Variants in AMZ1 observed in about 807,000 individuals in gnomAD.
AMZ1 encodes archaelysin family metallopeptidase 1, also known as archaemetzincin-1.
In AMZ1, 39 loss-of-function variants were observed where a neutral mutation model predicts 29.9. The ratio of observed to expected loss-of-function variants is 1.30; its 90% CI spans 1.01 to 1.70. AMZ1 has a LOEUF of 1.70. AMZ1 is among the 40% of genes most tolerant of loss of function. The pLI is 0.00. For synonymous variants in AMZ1, 458 were observed against 304.0 expected (o/e 1.51, Z -5.27); for missense variants, 1,041 against 680.6 (o/e 1.53, Z -5.89).
rs555064289 is a variant in AMZ1 at position 2,700,508 on chromosome 7, C to A, written c.57C>A (p.Asp19Glu). 1 of 1,606,296 alleles carries A rather than the reference C, an allele frequency of 6.2e-7. No individual in the cohort carries two copies. The highest frequency in any genetic ancestry group is 8.5e-7 in the Non-Finnish European group (1 of 1,179,908). Residue 19 changes from aspartate (D) to glutamate (E), a missense_variant, in exon 2 of 7, where the codon GAC (aspartate) becomes GAA (glutamate). Asp to Glu is a conservative substitution (Grantham distance 45, BLOSUM62 2). Coordinates refer to ENST00000683327, the MANE Select transcript of AMZ1 (RefSeq NM_001384743.1). ...GCTTCGGGCCCCGGGCCTTGAAGGA[C>A]GCTCTGGTCTCCACTGACGCAGCCC... The part of the protein sequence containing the change: ...EFSFGPRALK[D>E]ALVSTDAALQ...
intron 4 of AMZ1, among the ~76,000 whole-genome samples, chr7:2,727,304 T>G (rs1333622242): frequency 9.2e-5 from 14 of 152,114 alleles, no homozygotes; most frequent in Admixed American, 9.2e-4. Flanking sequence ...ATGGTCTCGA[T>G]CTCTTGACCT....
rs556209731 is a variant in AMZ1, at chr7:2,700,379, C to T, written c.-73C>T. 116 of 1,515,442 alleles carry T rather than the reference C, an allele frequency of 7.7e-5. No homozygotes were observed. Among genetic ancestry groups the T allele is most frequent in the African/African-American group, 3.0e-4 (22 of 72,278 alleles). The allele number at this position is 1,515,442 out of a possible 1,614,324, so 93.9% of individuals were successfully genotyped here. ...CCCGAGGGAAGATTCTGGACGAGAC[C>T]GTGGCCGTCCCCCGGGTGGCCCATG... On this transcript the variant is annotated 5_prime_UTR_variant, in exon 2 of 7. Transcript: ENST00000683327.
intron 4 of AMZ1, among the ~76,000 whole-genome samples, chr7:2,758,292 A>T (rs918035581): frequency 6.6e-6 from 1 of 152,220 alleles, no homozygotes; most frequent in Non-Finnish European, 1.5e-5. Flanking sequence ...TAAGAAAACA[A>T]GGCTCTGCAA....
At chr7:2,710,328 T>A (rs546685964) in intron 6 of AMZ1, among the ~76,000 whole-genome samples, 1 of 152,358 alleles carries the variant, frequency 6.6e-6, no homozygotes, top group South Asian at 2.1e-4. Flanking sequence ...CATGGACATT[T>A]GTTTGCAAGC....
intron 3 of AMZ1, among the ~76,000 whole-genome samples, chr7:2,706,339 T>A (rs2115139297): frequency 6.6e-6 from 1 of 152,286 alleles, no homozygotes. Context: ...GCTAATTATT[T>A]TGATTGTTGT....
chr7:2,710,665 ATC>A (rs1418861332), intron 6 of AMZ1, among the ~76,000 whole-genome samples: 1 of 152,186 alleles, frequency 6.6e-6, no homozygotes, highest in Non-Finnish European at 1.5e-5. Flanking sequence ...CAGTGCTGGA[ATC>A]TCTCTGCAGG....
At chr7:2,757,397 G>A (rs891628671) in intron 4 of AMZ1, among the ~76,000 whole-genome samples, 1 of 152,230 alleles carries the variant, frequency 6.6e-6, no homozygotes, top group East Asian at 1.9e-4. Context: ...GCACACAGCC[G>A]TGTTATGAGG....
chr7:2,699,143 G>A (rs373020965), intron 1 of AMZ1, among the ~76,000 whole-genome samples: 4 of 152,016 alleles, frequency 2.6e-5, no homozygotes, highest in Non-Finnish European at 5.9e-5. Flanking sequence ...TCTGTTCTGC[G>A]AGGCTTCCCC....
chr7:2,737,449 C>A (rs186358043), intron 4 of AMZ1, among the ~76,000 whole-genome samples: 1 of 151,894 alleles, frequency 6.6e-6, no homozygotes, highest in Admixed American at 6.6e-5. Flanking sequence ...CTACCACACC[C>A]GGCTAACTTT....
At position 2,709,159 on chromosome 7, in the gene AMZ1, C is replaced by G; in HGVS notation, c.686C>G (p.Ala229Gly). ...GCCCCTGATCTGGCCCTGGTAGAGGCAGCAGCAGACGGCCCCGAGGCCCCC... is the reference window on the plus strand; with the variant it reads ...GCCCCTGATCTGGCCCTGGTAGAGGGAGCAGCAGACGGCCCCGAGGCCCCC... ...PSAPDLALVE[A>G]AADGPEAPLQ... is the part of the protein sequence containing the mutation. The change falls in exon 5 of 7, where the codon GCA becomes GGA. Residue 229 changes from alanine (A) to glycine (G), a missense_variant. By Grantham distance (60) the Ala-to-Gly change is moderately conservative. Coordinates refer to ENST00000683327, the MANE Select transcript of AMZ1 (RefSeq NM_001384743.1). 1.3e-6 allele frequency: 2 copies of G among 1,570,206 alleles called. No homozygotes were observed. The highest frequency in any genetic ancestry group is 1.7e-6 in the Non-Finnish European group (2 of 1,159,366).
Position 2,731,126 on chromosome 7 carries a change from C to A in AMZ1, n.550+21310C>A, listed in dbSNP as rs1222500516. On this transcript the variant is annotated intron_variant and non_coding_transcript_variant, in intron 4 of 4. Coordinates refer to the AMZ1 transcript ENST00000489665. The surrounding 1 kb of genome is among the most constrained non-coding windows in gnomAD (Gnocchi z 6.0). ...ACACAGACAACACACACCCAAGAGT[C>A]TGACCGACAGCCGTGGGGGCTGCTC... is the stretch of plus-strand genomic sequence containing the variant. The A allele has an allele frequency of 9.0e-6, 11 of 1,222,452 alleles. No homozygotes were observed. In the Admixed American group the frequency reaches 1.7e-4, roughly 19 times the overall value. 75.7% of individuals were successfully genotyped at this position (1,222,452 alleles called of 1,614,324 possible).
chr7:2,740,317 G>A (rs1790434962), intron 4 of AMZ1, among the ~76,000 whole-genome samples: 1 of 152,130 alleles, frequency 6.6e-6, no homozygotes, highest in South Asian at 2.1e-4. Flanking sequence ...GACTTTGGGA[G>A]GTGACTGAAG....
In AMZ1 at chr7:2,736,324, T is replaced by G. The variant is rs866971506; in HGVS notation, n.550+26508T>G. ...CAAAGTGGGCTCTCGGGACTCTCCT[T>G]GGTGTGAAAAACCTACACCACTCAA... On this transcript the variant is annotated intron_variant and non_coding_transcript_variant, in intron 4 of 4. Coordinates refer to the AMZ1 transcript ENST00000489665. 2.0e-5 allele frequency among the ~76,000 whole-genome samples: 3 copies of G among 152,130 alleles called. 1 individual carries two copies. The South Asian group carries it at 6.2e-4, about 32-fold the overall frequency.
At position 2,709,528 on chromosome 7, in the gene AMZ1, G is replaced by A. The variant is rs148563408; in HGVS notation, c.772-112G>A. On this transcript the variant is annotated intron_variant, in intron 5 of 6. Transcript: ENST00000683327. ...GGGGAGGGCGCCTGGACCACCTCCCGGCCATCTGGCCTCACCCAGGTCCTC... is the reference window on the plus strand; with the variant it reads ...GGGGAGGGCGCCTGGACCACCTCCCAGCCATCTGGCCTCACCCAGGTCCTC... 8,705 of 1,461,776 alleles carry A rather than the reference G, an allele frequency of 6.0e-3. 48 individuals are homozygous for A. Among genetic ancestry groups the A allele is most frequent in the Middle Eastern group, 0.015 (61 of 3,976 alleles). The allele number at this position is 1,461,776 out of a possible 1,614,324, so 90.6% of individuals were successfully genotyped here.
chr7:2,698,129 G>A (rs117766461), intron 1 of AMZ1, among the ~76,000 whole-genome samples: 11 of 152,174 alleles, frequency 7.2e-5, no homozygotes, highest in Non-Finnish European at 1.6e-4. Context: ...GGCGTGGTAC[G>A]TATGCCCATG....
At chr7:2,688,365 G>C (rs958355041) in intron 1 of AMZ1, 69 bp downstream of exon 1, 14 of 151,836 alleles carry the variant, frequency 9.2e-5, no homozygotes, top group African/African-American at 3.4e-4. Flanking sequence ...GGGGCGGGTG[G>C]GTAGGGGCAG....
upstream of AMZ1, among the ~76,000 whole-genome samples, chr7:2,686,616 C>T (rs559011582): frequency 6.6e-6 from 1 of 152,080 alleles, no homozygotes; most frequent in African/African-American, 2.4e-5. Flanking sequence ...AGAGAGGTTA[C>T]CTCTACACAG....
intron 4 of AMZ1, 91 bp from the exon 5 acceptor site, chr7:2,708,984 G>T (rs1279452442): frequency 1.4e-6 from 2 of 1,440,800 alleles, no homozygotes; most frequent in East Asian, 4.8e-5. Flanking sequence ...GCCATGGCCA[G>T]CTTGCATGAG....
At chr7:2,691,730 C>CAAAAAA (rs55752807) in intron 1 of AMZ1, among the ~76,000 whole-genome samples, 6,832 of 84,290 alleles carry the variant, frequency 0.081, 535 homozygotes, top group Non-Finnish European at 0.1. Context: ...GGCTCCGTCT[C>CAAAAAA]AAAAAAAAAA....
Sources: gnomAD v4.1 joint callset for allele counts (sites outside exome capture counted in the v4.1 genomes callset) on GRCh38, gnomAD v4.1.1 for gene constraint, Gnocchi (gnomAD v3.1) non-coding constraint, MANE v1.5 for transcripts, NCBI Gene and HGNC (gene_info 2026-07-23, HGNC 2026-07-21) for gene names.